Variants in ZNRF1 observed in about 807,000 individuals in gnomAD.
The protein encoded by ZNRF1 is zinc and ring finger 1.
In ZNRF1, 3 loss-of-function variants were observed where a neutral mutation model predicts 18.4. The observed-to-expected ratio is 0.16, with a 90% confidence interval of 0.07 to 0.42. The LOEUF is 0.42. Among genes scored for constraint, ZNRF1 ranks in the 10% least tolerant of loss-of-function variants. The pLI is 0.99. For synonymous variants in ZNRF1, 157 were observed against 144.2 expected (o/e 1.09, Z -0.64); for missense variants, 310 against 329.8 (o/e 0.94, Z 0.47).
At chr16:75,036,594 C>G (rs915493394) in intron 1 of ZNRF1, among the ~76,000 whole-genome samples, 1 of 122,778 alleles carries the variant, frequency 8.1e-6, no homozygotes, top group East Asian at 2.3e-4. Context: ...CCCTCTCCTT[C>G]TTTCCTTCAT....
intron 1 of ZNRF1, among the ~76,000 whole-genome samples, chr16:75,030,271 G>C (rs2035284865): frequency 6.6e-6 from 1 of 152,050 alleles, no homozygotes; most frequent in Non-Finnish European, 1.5e-5. Context: ...ATTCAATAGA[G>C]AAAGAATAGT....
At chr16:75,103,237 A>G (rs550462022) in intron 2 of ZNRF1, among the ~76,000 whole-genome samples, 2 of 152,346 alleles carry the variant, frequency 1.3e-5, no homozygotes, top group South Asian at 4.1e-4. Flanking sequence ...GGGTGCAAGT[A>G]GCTTCCTTCC....
chr16:75,002,024 A>G (rs886264285), intron 1 of ZNRF1, among the ~76,000 whole-genome samples: 1 of 152,136 alleles, frequency 6.6e-6, no homozygotes, highest in Non-Finnish European at 1.5e-5. Flanking sequence ...TCCATTCCTT[A>G]CTGTGTAGGA....
chr16:75,040,872 T>C (rs111893278), intron 1 of ZNRF1, among the ~76,000 whole-genome samples: 4 of 152,136 alleles, frequency 2.6e-5, no homozygotes, highest in African/African-American at 9.6e-5. Flanking sequence ...CCTTCCAAAG[T>C]GCAGGGATTA....
chr16:75,045,500 A>C lies in ZNRF1; in HGVS notation c.424+45405A>C, dbSNP rs375812960. ...AATATTTTTTTTTAACTTAGCAATA[A>C]AGATGCTATGACAGTGTCAATCGCT... On this transcript the variant is annotated intron_variant, in intron 1 of 4. Transcript: ENST00000335325. Among the ~76,000 whole-genome samples, 6 of 152,266 alleles carry C rather than the reference A, an allele frequency of 3.9e-5. No individual in the cohort carries two copies. In the South Asian group the frequency reaches 1.2e-3, roughly 32 times the overall value.
At chr16:75,085,486 T>C (rs181863044) in intron 1 of ZNRF1, among the ~76,000 whole-genome samples, 2 of 152,350 alleles carry the variant, frequency 1.3e-5, no homozygotes, top group Non-Finnish European at 2.9e-5. Flanking sequence ...AAAGCTGTGA[T>C]GAACATTCTT....
In ZNRF1 at chr16:75,005,540, T is replaced by C. The variant is rs550756305; in HGVS notation, c.424+5445T>C. On this transcript the variant is annotated intron_variant, in intron 1 of 4. Coordinates refer to ENST00000335325, the MANE Select transcript of ZNRF1 (RefSeq NM_032268.5). ...ATATGTGGTATTCACCCCAAGCTTA[T>C]TGGGCACAGAAATTTGAGTATAGTA... Among the ~76,000 whole-genome samples the C allele has an allele frequency of 3.9e-5, 6 of 152,312 alleles. No individual in the cohort carries two copies. In the South Asian group the frequency reaches 1.2e-3, roughly 32 times the overall value.
chr16:75,078,959 G>A (rs1164850813), intron 1 of ZNRF1, among the ~76,000 whole-genome samples: 1 of 152,112 alleles, frequency 6.6e-6, no homozygotes, highest in Non-Finnish European at 1.5e-5. Context: ...GATTTACAAG[G>A]TATGTCCATG....
intron 1 of ZNRF1, among the ~76,000 whole-genome samples, chr16:75,004,241 A>C (rs1240886885): frequency 2.0e-5 from 3 of 152,126 alleles, no homozygotes; most frequent in Non-Finnish European, 4.4e-5. Flanking sequence ...GGCTGCTTTT[A>C]CTCATAATGC....
chr16:75,101,237 G>A (rs764120337), intron 2 of ZNRF1, among the ~76,000 whole-genome samples: 28 of 152,292 alleles, frequency 1.8e-4, no homozygotes, highest in Middle Eastern at 3.4e-3. Flanking sequence ...CCCAGTGTAC[G>A]GCAAAGCTGA....
chr16:75,094,324 C>T (rs780536175), intron 2 of ZNRF1, among the ~76,000 whole-genome samples: 56 of 152,264 alleles, frequency 3.7e-4, no homozygotes, highest in Non-Finnish European at 5.6e-4. Flanking sequence ...GTGAATACCG[C>T]AGAGGGTAGG....
intron 1 of ZNRF1, among the ~76,000 whole-genome samples, chr16:75,072,344 C>T (rs2035880260): frequency 6.6e-6 from 1 of 152,172 alleles, no homozygotes; most frequent in Non-Finnish European, 1.5e-5. Flanking sequence ...GTCACCCCAA[C>T]CCACTGGCCC....
intron 1 of ZNRF1, among the ~76,000 whole-genome samples, chr16:75,088,666 C>T (rs1227078677): frequency 2.0e-5 from 3 of 152,166 alleles, no homozygotes; most frequent in Non-Finnish European, 4.4e-5. Context: ...GCCAGCTCTG[C>T]CTCTTTCTGG....
chr16:75,109,469 G>T lies in ZNRF1; in HGVS notation c.*1769G>T, dbSNP rs917509098. 2.0e-5 allele frequency: 3 copies of T among 153,026 alleles called. No homozygotes were observed. The highest frequency in any genetic ancestry group is 2.9e-5 in the Non-Finnish European group (2 of 68,416). 9.5% of individuals were successfully genotyped at this position (153,026 alleles called of 1,614,324 possible). On this transcript the variant is annotated 3_prime_UTR_variant, in exon 5 of 5. Transcript: ENST00000335325. ...CTGGCTCCGCAGTCACCCTCCATCA[G>T]ATGCTTCCAGAAGCACCTACTCTGT... is the stretch of plus-strand genomic sequence containing the variant.
intron 1 of ZNRF1, among the ~76,000 whole-genome samples, chr16:75,091,318 C>T (rs1050161341): frequency 6.8e-6 from 1 of 147,184 alleles, no homozygotes; most frequent in African/African-American, 2.5e-5. Flanking sequence ...GAGATCGTGC[C>T]ACTGCACTCC....
chr16:75,048,354 A>G (rs1209609387), intron 1 of ZNRF1, among the ~76,000 whole-genome samples: 1 of 152,186 alleles, frequency 6.6e-6, no homozygotes. Flanking sequence ...TTTCAAATAT[A>G]GTCACATTCT....
chr16:75,015,183 T>A (rs375927083), intron 1 of ZNRF1, among the ~76,000 whole-genome samples: 1 of 152,248 alleles, frequency 6.6e-6, no homozygotes, highest in African/African-American at 2.4e-5. Context: ...TTATGGCTTA[T>A]GCATTTTATG....
intron 1 of ZNRF1, among the ~76,000 whole-genome samples, chr16:75,061,847 G>T (rs2035748606): frequency 6.6e-6 from 1 of 152,188 alleles, no homozygotes; most frequent in Admixed American, 6.5e-5. Context: ...GAGGAACCAG[G>T]TGCTTTGCGT....
chr16:74,999,495 G>C lies in ZNRF1; in HGVS notation c.-177G>C. The stretch of plus-strand genomic sequence containing the variant: ...GTTTGGGATCCCCGCCCGCCCGCCT[G>C]CCTCTTCCGCCCCGCGGGTTTTTTC... On this transcript the variant is annotated 5_prime_UTR_variant, in exon 1 of 5. Transcript: ENST00000335325. 2.3e-6 allele frequency: 1 copy of C among 443,110 alleles called. No individual in the cohort carries two copies. The allele number at this position is 443,110 out of a possible 1,614,324, so 27.4% of individuals were successfully genotyped here. A position where few individuals can be genotyped will look rare whatever the true frequency, so the allele number is the denominator to read the frequency against.
Sources: gnomAD v4.1 joint callset for allele counts (sites outside exome capture counted in the v4.1 genomes callset) on GRCh38, gnomAD v4.1.1 for gene constraint, MANE v1.5 for transcripts, NCBI Gene and HGNC (gene_info 2026-07-23, HGNC 2026-07-21) for gene names.